LGR5: variants seen among roughly 807,000 people sequenced by gnomAD.
LGR5 encodes the protein leucine rich repeat containing G protein-coupled receptor 5.
LGR5 carries 54 observed loss-of-function variants against 76.7 expected under a neutral mutation model. That is an observed-to-expected ratio of 0.70 (90% CI 0.57 to 0.88). LGR5 has a LOEUF of 0.88. LGR5 is among the 40% of genes least tolerant of loss of function. The pLI is 0.00. For missense variants in LGR5, 1,078 were observed against 1,073.3 expected, an observed-to-expected ratio of 1.00 and a Z score of -0.06; for synonymous variants, 406 against 421.9, an observed-to-expected ratio of 0.96 and a Z score of 0.46.
intron 2 of LGR5, among the ~76,000 whole-genome samples, chr12:71,519,775 A>G (rs1875637962): frequency 1.3e-5 from 2 of 152,102 alleles, no homozygotes; most frequent in Admixed American, 6.6e-5. Context: ...CAGTGAGCCA[A>G]GCTTGAGCCA....
intron 2 of LGR5, among the ~76,000 whole-genome samples, chr12:71,511,884 G>C (rs907087847): frequency 1.3e-5 from 2 of 152,048 alleles, no homozygotes; most frequent in African/African-American, 4.8e-5. Context: ...AAGTCTTAAA[G>C]CTCATAATTC....
In LGR5 at chr12:71,538,225, A is replaced by T. The variant is rs558466004; in HGVS notation, c.428+3039A>T. ...GCAGCCTAGAACAATTAAAATCAGA[A>T]TCTCTGGCCAGGTATGGTGGCTCAT... On this transcript the variant is annotated intron_variant, in intron 4 of 17. Coordinates refer to ENST00000266674, the MANE Select transcript of LGR5 (RefSeq NM_003667.4). Among the ~76,000 whole-genome samples, 3 of 152,264 alleles carry T rather than the reference A, an allele frequency of 2.0e-5. No homozygotes were observed. The East Asian group carries it at 5.8e-4, about 29-fold the overall frequency.
intron 1 of LGR5, among the ~76,000 whole-genome samples, chr12:71,456,467 G>A (rs1424130292): frequency 6.6e-6 from 1 of 152,108 alleles, no homozygotes; most frequent in African/African-American, 2.4e-5. Flanking sequence ...ATAAAATGTT[G>A]CAGCTGCATT....
chr12:71,509,189 T>G (rs2137312582), intron 2 of LGR5, among the ~76,000 whole-genome samples: 1 of 152,320 alleles, frequency 6.6e-6, no homozygotes, highest in Admixed American at 6.5e-5. Context: ...ATCCACTTAA[T>G]GCTCACTAGG....
intron 2 of LGR5, among the ~76,000 whole-genome samples, chr12:71,518,759 A>G (rs1192665870): frequency 6.6e-6 from 1 of 152,178 alleles, no homozygotes; most frequent in Non-Finnish European, 1.5e-5. Flanking sequence ...ACCAGGTACC[A>G]CATAGTCTTA....
At chr12:71,490,909 C>A (rs1025091114) in intron 1 of LGR5, among the ~76,000 whole-genome samples, 8 of 152,122 alleles carry the variant, frequency 5.3e-5, no homozygotes, top group African/African-American at 1.9e-4. Flanking sequence ...TTGGCTGTGT[C>A]CCCACCCAAA....
intron 1 of LGR5, among the ~76,000 whole-genome samples, chr12:71,463,627 G>A (rs571066739): frequency 2.9e-4 from 44 of 152,146 alleles, no homozygotes; most frequent in Middle Eastern, 3.4e-3. Context: ...ATTTAAGTCC[G>A]TCTCTCCAAA....
intron 4 of LGR5, among the ~76,000 whole-genome samples, chr12:71,538,475 T>C (rs1022126682): frequency 1.3e-5 from 2 of 152,012 alleles, no homozygotes; most frequent in Non-Finnish European, 2.9e-5. Context: ...GCCCTGATCA[T>C]GCCACTGCAC....
chr12:71,439,745 C>A (rs544594410), upstream of LGR5: 34 of 276,332 alleles, frequency 1.2e-4, no homozygotes, highest in South Asian at 9.1e-4. Context: ...CGTCACTGGG[C>A]GCGCAATTCG....
At chr12:71,563,268 G>T (rs1415913290) in intron 8 of LGR5, among the ~76,000 whole-genome samples, 5 of 152,048 alleles carry the variant, frequency 3.3e-5, no homozygotes, top group Non-Finnish European at 7.4e-5. Context: ...TCCAGGTCCA[G>T]TTGGCTACCC....
intron 1 of LGR5, among the ~76,000 whole-genome samples, chr12:71,462,480 C>G (rs1410918472): frequency 1.3e-5 from 2 of 152,102 alleles, no homozygotes; most frequent in Non-Finnish European, 2.9e-5. Context: ...GGACTGGGAT[C>G]CATTTTTCTA....
intron 6 of LGR5, among the ~76,000 whole-genome samples, chr12:71,558,533 G>C (rs931422512): frequency 1.3e-5 from 2 of 152,146 alleles, no homozygotes; most frequent in African/African-American, 4.8e-5. Context: ...AGAGCATCTG[G>C]AGAGATTTAC....
In LGR5 at chr12:71,583,962, C is replaced by T. The variant is rs1326606248; in HGVS notation, c.1952C>T (p.Ser651Phe). The T allele has an allele frequency of 6.2e-7, 1 of 1,614,184 alleles. No homozygotes were observed. Among genetic ancestry groups the T allele is most frequent in the East Asian group, 2.2e-5 (1 of 44,886 alleles). ...TTGTCCATTTTTGCTTCAGAATCAT[C>T]TGTTTTCCTGCTTACTCTGGCAGCC... ...GFLSIFASES[S>F]VFLLTLAALE... The change falls in exon 18 of 18, where the codon TCT becomes TTT. Residue 651 changes from serine (S) to phenylalanine (F), a missense_variant. Physicochemically the swap from Ser to Phe is radical, Grantham distance 155 (BLOSUM62 -2). Coordinates refer to ENST00000266674, the MANE Select transcript of LGR5 (RefSeq NM_003667.4).
intron 11 of LGR5, among the ~76,000 whole-genome samples, chr12:71,571,063 T>C (rs1003246627): frequency 1.3e-5 from 2 of 152,214 alleles, no homozygotes; most frequent in African/African-American, 4.8e-5. Context: ...ACCTCCTTCT[T>C]GTAGTGATTG....
At chr12:71,531,027 C>CA (rs554016609) in intron 3 of LGR5, among the ~76,000 whole-genome samples, 83 of 148,166 alleles carry the variant, frequency 5.6e-4, no homozygotes, top group South Asian at 3.4e-3. Context: ...GGGGAGGGAC[C>CA]AAAAAATTGT....
chr12:71,484,024 A>C (rs926724696), intron 1 of LGR5, among the ~76,000 whole-genome samples: 14 of 152,158 alleles, frequency 9.2e-5, no homozygotes, highest in African/African-American at 3.4e-4. Context: ...AATGAGTTTA[A>C]TTTGAGATGT....
At chr12:71,578,258 G>A (rs1878944098) in intron 14 of LGR5, among the ~76,000 whole-genome samples, 1 of 152,110 alleles carries the variant, frequency 6.6e-6, no homozygotes, top group Non-Finnish European at 1.5e-5. Context: ...TTTGTAATCA[G>A]GTGGAATGGA....
intron 4 of LGR5, among the ~76,000 whole-genome samples, chr12:71,536,796 G>A (rs968610074): frequency 9.2e-5 from 14 of 152,218 alleles, no homozygotes; most frequent in African/African-American, 3.4e-4. Context: ...ACTGGAACTG[G>A]TGGTGCCTGC....
chr12:71,559,563 A>G, intron 6 of LGR5, 23 bp from the exon 7 acceptor site: 1 of 1,348,150 alleles, frequency 7.4e-7, no homozygotes, highest in Non-Finnish European at 1.1e-6. Flanking sequence ...AAAAAACTGA[A>G]AATACTATGT....
Sources: gnomAD v4.1 joint callset for allele counts (sites outside exome capture counted in the v4.1 genomes callset) on GRCh38, gnomAD v4.1.1 for gene constraint, MANE v1.5 for transcripts, NCBI Gene and HGNC (gene_info 2026-07-23, HGNC 2026-07-21) for gene names.